PCDH15: variants seen among roughly 807,000 people sequenced by gnomAD.
The protein encoded by PCDH15 is protocadherin related 15.
PCDH15 carries 129 observed loss-of-function variants against 178.5 expected under a neutral mutation model. That is an observed-to-expected ratio of 0.72 (90% CI 0.63 to 0.84). The LOEUF is 0.84. PCDH15 is among the 40% of genes least tolerant of loss of function. The pLI is 0.00. For synonymous variants in PCDH15, 800 were observed against 732.0 expected, an observed-to-expected ratio of 1.09 and a Z score of -1.50; for missense variants, 2,230 against 2,099.9, an observed-to-expected ratio of 1.06 and a Z score of -1.21.
At chr10:54,627,221 T>C (rs1274069264) in intron 2 of PCDH15, among the ~76,000 whole-genome samples, 1 of 152,102 alleles carries the variant, frequency 6.6e-6, no homozygotes, top group African/African-American at 2.4e-5. Flanking sequence ...GAAATGAGAC[T>C]CTGGGGGACT....
intron 2 of PCDH15, among the ~76,000 whole-genome samples, chr10:55,159,683 G>T (rs1317388367): frequency 6.8e-6 from 1 of 146,834 alleles, no homozygotes; most frequent in African/African-American, 2.5e-5. Context: ...TTTATAAAGA[G>T]ATATATTTCT....
At chr10:55,606,502 C>T (rs1233159402) in intron 2 of PCDH15, among the ~76,000 whole-genome samples, 2 of 148,694 alleles carry the variant, frequency 1.3e-5, no homozygotes, top group East Asian at 2.0e-4. Flanking sequence ...AACTATACTA[C>T]AAGGCTACAG....
intron 27 of PCDH15, 64 bp from the exon 28 acceptor site, chr10:53,857,327 C>T: frequency 3.3e-6 from 4 of 1,229,294 alleles, no homozygotes; most frequent in Non-Finnish European, 3.6e-6. Flanking sequence ...AATCAGAAAA[C>T]CCCCACATTA....
intron 1 of PCDH15, among the ~76,000 whole-genome samples, chr10:54,790,059 T>A (rs548132970): frequency 6.6e-6 from 1 of 151,950 alleles, no homozygotes; most frequent in African/African-American, 2.4e-5. Flanking sequence ...ATAGGTAAAT[T>A]AGGGGGATCC....
chr10:54,931,646 C>A (rs1482942678), intron 2 of PCDH15, among the ~76,000 whole-genome samples: 1 of 152,178 alleles, frequency 6.6e-6, no homozygotes, highest in Non-Finnish European at 1.5e-5. Context: ...GCCTTTGAGA[C>A]AGAGAAATAA....
intron 15 of PCDH15, among the ~76,000 whole-genome samples, chr10:54,092,312 T>C (rs1046772534): frequency 2.6e-5 from 4 of 152,140 alleles, no homozygotes; most frequent in African/African-American, 9.7e-5. Context: ...GTAACTATTT[T>C]ACTAACGTGT....
intron 25 of PCDH15, among the ~76,000 whole-genome samples, chr10:53,933,645 T>C (rs1431093546): frequency 7.2e-4 from 109 of 152,278 alleles, no homozygotes; most frequent in Non-Finnish European, 1.3e-3. Context: ...TGTGTGCATG[T>C]GTCTTTATAG....
chr10:55,373,900 A>G (rs1310773676), intron 2 of PCDH15, among the ~76,000 whole-genome samples: 3 of 143,928 alleles, frequency 2.1e-5, no homozygotes, highest in Admixed American at 6.9e-5. Context: ...ATGAGAACAC[A>G]TGGACACAGG....
chr10:55,110,244 C>T (rs1837465945), intron 2 of PCDH15, among the ~76,000 whole-genome samples: 1 of 151,912 alleles, frequency 6.6e-6, no homozygotes, highest in Non-Finnish European at 1.5e-5. Context: ...GTTCATTATA[C>T]TTTCTAAGGA....
Position 54,170,950 on chromosome 10 carries a change from G to A in PCDH15, c.1590+12494C>T, listed in dbSNP as rs555916339. Among the ~76,000 whole-genome samples the A allele has an allele frequency of 4.1e-4, 63 of 152,102 alleles. No homozygotes were observed. The South Asian group carries it at 0.012, about 28-fold the overall frequency. On this transcript the variant is annotated intron_variant, in intron 13 of 37. Coordinates refer to ENST00000644397, the MANE Select transcript of PCDH15 (RefSeq NM_001384140.1). ...CCTCCCTTCCCTACACATCAAGTTCGAGGATTTGCCCCACCCAGGACTGGC... is the reference window on the plus strand; with the variant it reads ...CCTCCCTTCCCTACACATCAAGTTCAAGGATTTGCCCCACCCAGGACTGGC...
chr10:55,562,139 T>C (rs1842212583), intron 2 of PCDH15, among the ~76,000 whole-genome samples: 1 of 151,936 alleles, frequency 6.6e-6, no homozygotes, highest in South Asian at 2.1e-4. Context: ...ATTCATGATT[T>C]TGTCAGCATT....
At chr10:54,888,174 A>T (rs1368740101) in intron 3 of PCDH15, among the ~76,000 whole-genome samples, 2 of 152,122 alleles carry the variant, frequency 1.3e-5, no homozygotes, top group Non-Finnish European at 2.9e-5. Flanking sequence ...GGGCTCTGTT[A>T]AACCTTTTCC....
intron 2 of PCDH15, among the ~76,000 whole-genome samples, chr10:55,546,719 C>A (rs1298420630): frequency 6.6e-6 from 1 of 152,044 alleles, no homozygotes; most frequent in East Asian, 1.9e-4. Context: ...CTTACTTGTT[C>A]AATTATTTGT....
chr10:54,403,532 C>T (rs1251241124), intron 3 of PCDH15, among the ~76,000 whole-genome samples: 2 of 151,898 alleles, frequency 1.3e-5, no homozygotes, highest in Non-Finnish European at 2.9e-5. Context: ...AAAACCGGCA[C>T]AGGACAAAGA....
intron 2 of PCDH15, among the ~76,000 whole-genome samples, chr10:55,464,654 A>ATATATG (rs1158900692): frequency 4.3e-4 from 6 of 13,812 alleles, no homozygotes; most frequent in African/African-American, 4.1e-3. Flanking sequence ...ATATATATAT[A>ATATATG]TGTGTGTGTG....
At chr10:55,078,109 T>A (rs954182433) in intron 2 of PCDH15, among the ~76,000 whole-genome samples, 2 of 150,590 alleles carry the variant, frequency 1.3e-5, no homozygotes, top group Non-Finnish European at 2.9e-5. Context: ...TTGGGTAGAA[T>A]TTTTTTATTT....
intron 1 of PCDH15, among the ~76,000 whole-genome samples, chr10:55,303,213 C>T (rs2132280282): frequency 6.6e-6 from 1 of 152,164 alleles, no homozygotes; most frequent in East Asian, 1.9e-4. Context: ...TTTATGACTA[C>T]CTTCTTCTAA....
chr10:54,112,169 A>C (rs753617151), intron 15 of PCDH15, among the ~76,000 whole-genome samples: 5 of 151,842 alleles, frequency 3.3e-5, no homozygotes, highest in Non-Finnish European at 7.4e-5. Flanking sequence ...AAATAAAATA[A>C]AGATCTTCTA....
At chr10:55,056,871 C>T (rs191674957) in intron 2 of PCDH15, among the ~76,000 whole-genome samples, 276 of 151,980 alleles carry the variant, frequency 1.8e-3, no homozygotes, top group African/African-American at 6.5e-3. Context: ...TGACCTCAGG[C>T]AGTCCACCCG....
Sources: allele counts gnomAD v4.1 joint callset (sites outside exome capture counted in the v4.1 genomes callset), GRCh38; gene constraint gnomAD v4.1.1; transcripts MANE v1.5; gene names NCBI Gene and HGNC (gene_info 2026-07-23, HGNC 2026-07-21).